The following FAM193A variants were observed in gnomAD, a reference collection of about 807,000 sequenced individuals.
FAM193A encodes protein FAM193A.
FAM193A carries 22 observed loss-of-function variants against 126.5 expected under a neutral mutation model. The ratio of observed to expected loss-of-function variants is 0.17; its 90% CI spans 0.12 to 0.25. The LOEUF (loss-of-function observed/expected upper bound fraction) is 0.25, where lower values mean the gene tolerates loss of function less well. Ranked by LOEUF, FAM193A falls within the 10% of genes least tolerant of loss-of-function variation. The pLI is 1.00. For synonymous variants in FAM193A, 761 were observed against 646.8 expected (o/e 1.18, Z -2.68); for missense variants, 1,675 against 1,672.8 (o/e 1.00, Z -0.02).
chr4:2,543,094 C>CTT (rs199951533), intron 1 of FAM193A, among the ~76,000 whole-genome samples: 6,454 of 146,150 alleles, frequency 0.044, 192 homozygotes, highest in Non-Finnish European at 0.065. Flanking sequence ...GTTTTCTTTT[C>CTT]TTTTTTTTTT....
At chr4:2,551,751 C>G (rs895876280) in intron 1 of FAM193A, among the ~76,000 whole-genome samples, 10 of 151,292 alleles carry the variant, frequency 6.6e-5, no homozygotes, top group African/African-American at 2.4e-4. Flanking sequence ...TGATTTTTCT[C>G]TGTTTTTCCG....
At chr4:2,731,112 C>T (rs1021751507) in intron 20 of FAM193A, among the ~76,000 whole-genome samples, 1 of 145,528 alleles carries the variant, frequency 6.9e-6, no homozygotes, top group South Asian at 2.2e-4. Context: ...AGGAGAATCA[C>T]TTCAACGTGG....
At chr4:2,703,268 G>T (rs1717940344) in intron 19 of FAM193A, among the ~76,000 whole-genome samples, 1 of 152,004 alleles carries the variant, frequency 6.6e-6, no homozygotes, top group Non-Finnish European at 1.5e-5. Flanking sequence ...CTGTTTTAAG[G>T]TGGAGTCTCA....
chr4:2,679,850 T>A (rs1714896381), intron 13 of FAM193A, among the ~76,000 whole-genome samples: 1 of 149,560 alleles, frequency 6.7e-6, no homozygotes, highest in South Asian at 2.1e-4. Flanking sequence ...GGGCTTTTCT[T>A]TATTGGGTGA....
chr4:2,638,113 C>G (rs898494770), intron 5 of FAM193A, among the ~76,000 whole-genome samples: 1 of 152,236 alleles, frequency 6.6e-6, no homozygotes, highest in Non-Finnish European at 1.5e-5. Context: ...GGCAAAGCCT[C>G]AGCTCTTCCA....
chr4:2,538,752 G>T (rs1236253811), intron 1 of FAM193A, among the ~76,000 whole-genome samples: 3 of 151,982 alleles, frequency 2.0e-5, no homozygotes, highest in Non-Finnish European at 4.4e-5. Flanking sequence ...GCTGGATGTG[G>T]AATATATTCA....
chr4:2,548,164 TG>T (rs759180151), intron 1 of FAM193A, among the ~76,000 whole-genome samples: 4 of 146,142 alleles, frequency 2.7e-5, no homozygotes, highest in Non-Finnish European at 6.0e-5. Context: ...CTCTGCCTCC[TG>T]GGTTCAAGTG....
At chr4:2,655,545 T>C (rs1577147214) in intron 7 of FAM193A, among the ~76,000 whole-genome samples, 1 of 152,138 alleles carries the variant, frequency 6.6e-6, no homozygotes, top group African/African-American at 2.4e-5. Flanking sequence ...TGACAAGATA[T>C]TAGTTCTCTG....
chr4:2,550,448 A>G (rs846093), intron 1 of FAM193A, among the ~76,000 whole-genome samples: 134,262 of 151,738 alleles, frequency 0.88, 60,552 homozygotes, highest in South Asian at 0.98. Context: ...TTGTTTGTTT[A>G]TTTTTGAGGC....
At chr4:2,633,222 AC>A (rs1743772004) in intron 5 of FAM193A, among the ~76,000 whole-genome samples, 1 of 151,458 alleles carries the variant, frequency 6.6e-6, no homozygotes, top group South Asian at 2.1e-4. Flanking sequence ...ATATGATGAA[AC>A]CCCGTCTCTA....
At chr4:2,672,019 C>T in intron 12 of FAM193A, 102 bp from the exon 13 acceptor site, 2 of 1,322,104 alleles carry the variant, frequency 1.5e-6, no homozygotes, top group Non-Finnish European at 2.1e-6. Flanking sequence ...AGCCCACTTA[C>T]CTTTGTATTT....
At chr4:2,655,960 A>G (rs1447063370) in intron 7 of FAM193A, among the ~76,000 whole-genome samples, 2 of 151,918 alleles carry the variant, frequency 1.3e-5, no homozygotes, top group African/African-American at 4.8e-5. Flanking sequence ...AACAAATGAA[A>G]TTTTTTGTAG....
At chr4:2,654,173 GTC>G (rs1261529718) in intron 7 of FAM193A, among the ~76,000 whole-genome samples, 1 of 152,264 alleles carries the variant, frequency 6.6e-6, no homozygotes, top group South Asian at 2.1e-4. Flanking sequence ...AAATAATTGA[GTC>G]TCTGTTCACA....
At chr4:2,600,340 G>A (rs1741125494) in intron 2 of FAM193A, among the ~76,000 whole-genome samples, 1 of 152,180 alleles carries the variant, frequency 6.6e-6, no homozygotes, top group African/African-American at 2.4e-5. Flanking sequence ...CTCAGGCAAA[G>A]GCCCTGAACT....
intron 5 of FAM193A, among the ~76,000 whole-genome samples, chr4:2,635,118 C>T (rs898058196): frequency 7.2e-5 from 11 of 152,166 alleles, no homozygotes; most frequent in Non-Finnish European, 1.0e-4. Context: ...TGAAGACTGA[C>T]GGTAATAGTA....
At chr4:2,593,195 C>T (rs1740666342) in intron 1 of FAM193A, among the ~76,000 whole-genome samples, 2 of 152,204 alleles carry the variant, frequency 1.3e-5, no homozygotes. Flanking sequence ...CCTTCACAGC[C>T]TTATCCACTT....
At chr4:2,625,143 C>G in intron 2 of FAM193A, 119 bp from the exon 3 acceptor site, 2 of 587,004 alleles carry the variant, frequency 3.4e-6, no homozygotes, top group South Asian at 2.1e-5. Flanking sequence ...AAGATAGTTT[C>G]TTTTCAATGT....
chr4:2,663,339 T>C, intron 12 of FAM193A, 51 bp downstream of exon 12: 1 of 1,425,714 alleles, frequency 7.0e-7, no homozygotes, highest in Non-Finnish European at 9.5e-7. Context: ...TGTGTGTATT[T>C]TCTCTAAACA....
chr4:2,602,353 C>CTTTTTTT (rs35168097), intron 2 of FAM193A, among the ~76,000 whole-genome samples: 2 of 128,562 alleles, frequency 1.6e-5, no homozygotes, highest in African/African-American at 2.9e-5. Context: ...ATGTTCTGTT[C>CTTTTTTT]TTTTTTTTTT....
Sources: allele counts gnomAD v4.1 joint callset (sites outside exome capture counted in the v4.1 genomes callset), GRCh38; gene constraint gnomAD v4.1.1; transcripts MANE v1.5; gene names NCBI Gene and HGNC (gene_info 2026-07-23, HGNC 2026-07-21).